CNTNAP2: variants seen among roughly 807,000 people sequenced by gnomAD.
CNTNAP2 encodes contactin associated protein 2.
A neutral mutation model predicts 155.2 loss-of-function variants in CNTNAP2; 98 were observed. That is an observed-to-expected ratio of 0.63 (90% CI 0.54 to 0.75). The LOEUF (loss-of-function observed/expected upper bound fraction) is 0.75. Ranked by LOEUF, CNTNAP2 falls within the 30% of genes least tolerant of loss-of-function variation. CNTNAP2 has a pLI of 0.00. For synonymous variants in CNTNAP2, 651 were observed against 631.2 expected, an observed-to-expected ratio of 1.03 and a Z score of -0.47; for missense variants, 1,727 against 1,688.1, an observed-to-expected ratio of 1.02 and a Z score of -0.40.
intron 21 of CNTNAP2, among the ~76,000 whole-genome samples, chr7:148,270,954 CT>C (rs1175696841): frequency 2.0e-5 from 3 of 152,162 alleles, no homozygotes; most frequent in Non-Finnish European, 4.4e-5. Flanking sequence ...AAGGCAGAGA[CT>C]TTTTTTGAAA....
intron 1 of CNTNAP2, among the ~76,000 whole-genome samples, chr7:146,525,532 TTATCTATCTATCTATC>T (rs71175655): frequency 1.2e-4 from 18 of 147,840 alleles, no homozygotes; most frequent in African/African-American, 2.5e-4. Context: ...TCTTTTCAGT[TTATCTATCTATCTATC>T]TATCTATCTA....
chr7:147,136,363 G>C lies in CNTNAP2; in HGVS notation c.1348+3854G>C, dbSNP rs139810738. ...TAATGTAGGTATTGCTTCAATTTTC[G>C]AATGGCTGTTCAGTGTCCACACTGT... is the stretch of plus-strand genomic sequence containing the variant. On this transcript the variant is annotated intron_variant, in intron 8 of 23. Coordinates refer to ENST00000361727, the MANE Select transcript of CNTNAP2 (RefSeq NM_014141.6). Among the ~76,000 whole-genome samples the C allele has an allele frequency of 2.9e-4, 44 of 151,994 alleles. No individual in the cohort carries two copies. In the East Asian group the frequency reaches 8.5e-3, roughly 29 times the overall value.
intron 1 of CNTNAP2, among the ~76,000 whole-genome samples, chr7:146,723,636 G>T (rs1801378009): frequency 6.6e-6 from 1 of 152,114 alleles, no homozygotes; most frequent in Admixed American, 6.6e-5. Context: ...GTAATTTAAA[G>T]AACACACTTT....
chr7:146,833,789 G>A (rs1396840222), intron 2 of CNTNAP2, among the ~76,000 whole-genome samples: 1 of 152,106 alleles, frequency 6.6e-6, no homozygotes, highest in East Asian at 1.9e-4. Flanking sequence ...GCCTTTGTAT[G>A]TCCCCAGATC....
chr7:147,848,916 A>C (rs1010850828), intron 13 of CNTNAP2, among the ~76,000 whole-genome samples: 1 of 152,094 alleles, frequency 6.6e-6, no homozygotes, highest in Non-Finnish European at 1.5e-5. Flanking sequence ...TTTTTTTCTC[A>C]AATAGTGAGA....
intron 21 of CNTNAP2, among the ~76,000 whole-genome samples, chr7:148,275,794 C>T (rs1796860592): frequency 6.6e-6 from 1 of 152,140 alleles, no homozygotes; most frequent in African/African-American, 2.4e-5. Flanking sequence ...TAAGAGCCAC[C>T]ATTCTTGCCA....
At chr7:147,838,957 A>G (rs1798676118) in intron 13 of CNTNAP2, among the ~76,000 whole-genome samples, 1 of 152,198 alleles carries the variant, frequency 6.6e-6, no homozygotes, top group Non-Finnish European at 1.5e-5. Context: ...GAATTTATTA[A>G]GAGTATTGAC....
At chr7:147,645,115 A>G (rs1795344983) in intron 13 of CNTNAP2, among the ~76,000 whole-genome samples, 1 of 152,146 alleles carries the variant, frequency 6.6e-6, no homozygotes, top group Admixed American at 6.5e-5. Flanking sequence ...TTGAAATTGA[A>G]TTATGCTTAC....
intron 2 of CNTNAP2, among the ~76,000 whole-genome samples, chr7:146,812,429 GTA>G (rs1368886847): frequency 7.0e-6 from 1 of 143,058 alleles, no homozygotes; most frequent in Non-Finnish European, 1.5e-5. Context: ...TCTTTTATAT[GTA>G]TATATATATA....
chr7:147,448,482 G>GTATATATATATATATATATA (rs10635826), intron 10 of CNTNAP2, among the ~76,000 whole-genome samples: 2 of 103,364 alleles, frequency 1.9e-5, no homozygotes, highest in African/African-American at 6.7e-5. Flanking sequence ...ATGTGTGTGT[G>GTATATATATATATATATATA]TGTATATATA....
intron 1 of CNTNAP2, among the ~76,000 whole-genome samples, chr7:146,482,992 T>G (rs1796986387): frequency 6.6e-6 from 1 of 151,406 alleles, no homozygotes; most frequent in African/African-American, 2.4e-5. Flanking sequence ...AAAATATTTT[T>G]AAGGCCGGGT....
At chr7:147,350,287 T>C (rs1795947010) in intron 9 of CNTNAP2, among the ~76,000 whole-genome samples, 1 of 151,902 alleles carries the variant, frequency 6.6e-6, no homozygotes, top group African/African-American at 2.4e-5. Flanking sequence ...AACACAAGAT[T>C]TAGAAATCAC....
chr7:146,506,542 C>A (rs1166708898), intron 1 of CNTNAP2, among the ~76,000 whole-genome samples: 1 of 152,194 alleles, frequency 6.6e-6, no homozygotes, highest in Non-Finnish European at 1.5e-5. Context: ...TTGCCCAGGG[C>A]AGTGAAAGGC....
At chr7:147,100,650 G>A (rs1228385648) in intron 4 of CNTNAP2, among the ~76,000 whole-genome samples, 2 of 152,206 alleles carry the variant, frequency 1.3e-5, no homozygotes, top group African/African-American at 4.8e-5. Flanking sequence ...AGTTGTAAGA[G>A]TTGTGTAGCC....
At chr7:148,132,511 A>G (rs895483115) in intron 16 of CNTNAP2, among the ~76,000 whole-genome samples, 6 of 152,044 alleles carry the variant, frequency 3.9e-5, no homozygotes, top group African/African-American at 1.4e-4. Context: ...TATAGCACTC[A>G]CATTCCATAG....
intron 8 of CNTNAP2, among the ~76,000 whole-genome samples, chr7:147,203,975 A>T (rs1301451319): frequency 6.6e-6 from 1 of 152,102 alleles, no homozygotes; most frequent in East Asian, 1.9e-4. Flanking sequence ...TTTCTGAAGG[A>T]CGTAAGATAG....
intron 21 of CNTNAP2, among the ~76,000 whole-genome samples, chr7:148,283,260 A>AAAGG (rs1797010108): frequency 2.3e-5 from 1 of 43,336 alleles, no homozygotes; most frequent in Non-Finnish European, 4.2e-5. Context: ...AAAAAAAAAG[A>AAAGG]AAGAAAGAAA....
chr7:146,693,233 G>A (rs1563191250), intron 1 of CNTNAP2, among the ~76,000 whole-genome samples: 1 of 152,022 alleles, frequency 6.6e-6, no homozygotes, highest in Non-Finnish European at 1.5e-5. Context: ...CATATAGTGA[G>A]TGCTTCTAGA....
chr7:147,559,145 G>C (rs1584812711), intron 11 of CNTNAP2, among the ~76,000 whole-genome samples: 1 of 152,148 alleles, frequency 6.6e-6, no homozygotes, highest in Non-Finnish European at 1.5e-5. Flanking sequence ...CAAAGTGTTG[G>C]GATTACAGGC....
Sources: gnomAD v4.1 joint callset for allele counts (sites outside exome capture counted in the v4.1 genomes callset) on GRCh38, gnomAD v4.1.1 for gene constraint, MANE v1.5 for transcripts, NCBI Gene and HGNC (gene_info 2026-07-23, HGNC 2026-07-21) for gene names.